The following GULP1 variants were observed in gnomAD, a reference collection of about 807,000 sequenced individuals.
GULP1 encodes the protein PTB domain-containing engulfment adapter protein 1.
GULP1 carries 19 observed loss-of-function variants against 40.9 expected under a neutral mutation model. The ratio of observed to expected loss-of-function variants is 0.46; its 90% CI spans 0.32 to 0.68. The LOEUF is 0.68. Among genes scored for constraint, GULP1 ranks in the 30% least tolerant of loss-of-function variants. GULP1 has a pLI of 0.03. For missense variants in GULP1, 312 were observed against 362.2 expected (o/e 0.86, Z 1.12); for synonymous variants, 119 against 117.6 (o/e 1.01, Z -0.08).
At chr2:188,505,394 G>A (rs563941255) in intron 4 of GULP1, among the ~76,000 whole-genome samples, 175 of 151,660 alleles carry the variant, frequency 1.2e-3, no homozygotes, top group Non-Finnish European at 1.9e-3. Flanking sequence ...CTACAATCCC[G>A]AGTCATTCCT....
At chr2:188,433,672 G>C (rs191016012) in intron 2 of GULP1, among the ~76,000 whole-genome samples, 1 of 152,220 alleles carries the variant, frequency 6.6e-6, no homozygotes, top group Non-Finnish European at 1.5e-5. Flanking sequence ...AGCAGGTCCT[G>C]AGTTTTCTCT....
At chr2:188,512,347 A>G (rs1281613940) in intron 4 of GULP1, among the ~76,000 whole-genome samples, 1 of 152,150 alleles carries the variant, frequency 6.6e-6, no homozygotes, top group Non-Finnish European at 1.5e-5. Context: ...ATATTATAAA[A>G]AGTAGGAATT....
chr2:188,564,590 G>T (rs114489093), intron 7 of GULP1, among the ~76,000 whole-genome samples: 1 of 151,790 alleles, frequency 6.6e-6, no homozygotes, highest in Admixed American at 6.6e-5. Flanking sequence ...ATGGGAGAAA[G>T]ATACCATGTT....
intron 1 of GULP1, among the ~76,000 whole-genome samples, chr2:188,304,715 T>C (rs2036751205): frequency 6.6e-6 from 1 of 152,198 alleles, no homozygotes; most frequent in Admixed American, 6.5e-5. Context: ...ATGAGCTACT[T>C]ATTTCCTGCT....
At chr2:188,508,007 A>T (rs1195961484) in intron 4 of GULP1, among the ~76,000 whole-genome samples, 2 of 152,032 alleles carry the variant, frequency 1.3e-5, no homozygotes, top group African/African-American at 2.4e-5. Context: ...ATAGTTACTA[A>T]TCAGGCTATT....
intron 7 of GULP1, among the ~76,000 whole-genome samples, chr2:188,545,541 G>C (rs2153350887): frequency 6.6e-6 from 1 of 151,720 alleles, no homozygotes; most frequent in Non-Finnish European, 1.5e-5. Context: ...AAGTTATATA[G>C]ATAAAATGTG....
At chr2:188,529,878 A>G (rs1687132364) in intron 6 of GULP1, among the ~76,000 whole-genome samples, 2 of 152,146 alleles carry the variant, frequency 1.3e-5, no homozygotes, top group South Asian at 4.1e-4. Context: ...TTGAAGAAAA[A>G]CTAGACAAAT....
chr2:188,329,639 A>G (rs1055820673), intron 1 of GULP1, among the ~76,000 whole-genome samples: 1 of 152,224 alleles, frequency 6.6e-6, no homozygotes, highest in Non-Finnish European at 1.5e-5. Flanking sequence ...ATTAGAAATT[A>G]GCGGAGGTGA....
intron 9 of GULP1, among the ~76,000 whole-genome samples, chr2:188,579,051 A>G (rs932307453): frequency 2.6e-5 from 4 of 152,110 alleles, no homozygotes; most frequent in Non-Finnish European, 5.9e-5. Flanking sequence ...AGAATCAAGC[A>G]CCAAATTTAT....
chr2:188,432,218 A>G (rs1456139591), intron 2 of GULP1, among the ~76,000 whole-genome samples: 1 of 151,842 alleles, frequency 6.6e-6, no homozygotes, highest in African/African-American at 2.4e-5. Context: ...TTTAATGAGT[A>G]TATATCATTT....
intron 2 of GULP1, among the ~76,000 whole-genome samples, chr2:188,435,962 C>CAGAATTAA (rs2057368670): frequency 1.3e-5 from 2 of 152,094 alleles, no homozygotes; most frequent in Admixed American, 1.3e-4. Context: ...GCCAGGTCTA[C>CAGAATTAA]GCATGTTAAT....
At chr2:188,380,046 T>C (rs1315984644) in intron 1 of GULP1, among the ~76,000 whole-genome samples, 7 of 152,314 alleles carry the variant, frequency 4.6e-5, no homozygotes, top group Admixed American at 6.5e-5. Context: ...AACTAAACAA[T>C]TGGGCATTCA....
chr2:188,568,501 T>C (rs1396041475), intron 7 of GULP1, among the ~76,000 whole-genome samples: 4 of 152,218 alleles, frequency 2.6e-5, no homozygotes, highest in Admixed American at 6.5e-5. Flanking sequence ...AGATCTGAGA[T>C]TGTAAGTTGT....
intron 1 of GULP1, among the ~76,000 whole-genome samples, chr2:188,349,098 A>G (rs1306007032): frequency 2.0e-5 from 3 of 152,160 alleles, no homozygotes; most frequent in Non-Finnish European, 4.4e-5. Context: ...AATCCAAGCA[A>G]TGTCTCTACA....
intron 2 of GULP1, among the ~76,000 whole-genome samples, chr2:188,417,592 T>C (rs181661007): frequency 2.6e-5 from 4 of 152,334 alleles, no homozygotes; most frequent in Non-Finnish European, 4.4e-5. Flanking sequence ...AATTAAAAAC[T>C]ATTCTCTTGT....
At chr2:188,313,479 G>C (rs894163247) in intron 1 of GULP1, among the ~76,000 whole-genome samples, 2 of 152,152 alleles carry the variant, frequency 1.3e-5, no homozygotes, top group South Asian at 4.1e-4. Context: ...CTATATGTCT[G>C]TTTTGATACT....
intron 2 of GULP1, among the ~76,000 whole-genome samples, chr2:188,411,091 A>G (rs1252868346): frequency 6.6e-6 from 1 of 152,132 alleles, no homozygotes; most frequent in Non-Finnish European, 1.5e-5. Flanking sequence ...CATTTAATCT[A>G]TAGTGAATAA....
intron 7 of GULP1, among the ~76,000 whole-genome samples, chr2:188,547,280 A>G (rs1692217994): frequency 1.3e-5 from 2 of 151,766 alleles, no homozygotes; most frequent in South Asian, 4.1e-4. Flanking sequence ...ATTCCTCAGG[A>G]ACATAAATGT....
chr2:188,308,447 A>T (rs2037505129), intron 1 of GULP1, among the ~76,000 whole-genome samples: 1 of 152,244 alleles, frequency 6.6e-6, no homozygotes, highest in Non-Finnish European at 1.5e-5. Context: ...CATTTAAAAA[A>T]GGTTAAAATT....
Sources: gnomAD v4.1 joint callset for allele counts (sites outside exome capture counted in the v4.1 genomes callset) on GRCh38, gnomAD v4.1.1 for gene constraint, MANE v1.5 for transcripts, NCBI Gene and HGNC (gene_info 2026-07-23, HGNC 2026-07-21) for gene names.